The following PCDH15 variants were observed in gnomAD, a reference collection of about 807,000 sequenced individuals.
PCDH15 encodes protocadherin-15.
In PCDH15, 129 loss-of-function variants were observed where a neutral mutation model predicts 178.5. The observed-to-expected ratio is 0.72, with a 90% CI of 0.63 to 0.84. The LOEUF is 0.84. Ranked by LOEUF, PCDH15 falls within the 40% of genes least tolerant of loss-of-function variation. The probability of loss-of-function intolerance (pLI) is 0.00; values close to 1 mark genes in which losing one functional copy is unlikely to be tolerated. For missense variants in PCDH15, 2,230 were observed against 2,099.9 expected (o/e 1.06, Z -1.21); for synonymous variants, 800 against 732.0 (o/e 1.09, Z -1.50).
chr10:54,527,605 T>G (rs992507530), intron 3 of PCDH15, among the ~76,000 whole-genome samples: 2 of 152,116 alleles, frequency 1.3e-5, no homozygotes, highest in African/African-American at 4.8e-5. Flanking sequence ...AATATTTATA[T>G]TAATTGAATG....
rs547563718 is a variant in PCDH15, at chr10:55,025,940, T to C, written c.-79-128440A>G. Among the ~76,000 whole-genome samples, 16 of 152,156 alleles carry C rather than the reference T, an allele frequency of 1.1e-4. No individual in the cohort carries two copies. The South Asian group carries it at 3.1e-3, about 30-fold the overall frequency. ...TTTTACTTTATTTATTTATAAGTCA[T>C]TTCACAATACTTTGTTAGACTGGCA... On this transcript the variant is annotated intron_variant, in intron 2 of 5. Coordinates refer to the PCDH15 transcript ENST00000458638.
intron 1 of PCDH15, among the ~76,000 whole-genome samples, chr10:54,799,032 G>A (rs1952356582): frequency 6.6e-6 from 1 of 152,022 alleles, no homozygotes; most frequent in South Asian, 2.1e-4. Flanking sequence ...TTCATAATTT[G>A]TCTAAGGAGT....
rs548750154 is a variant in PCDH15 at position 53,900,202 on chromosome 10, C to A, written c.3501+3041G>T. ...ATAAACACATTCTTTCTCTCTCTCT[C>A]TAAACTTTCTCTCTCTCTCTCTCTC... On this transcript the variant is annotated intron_variant, in intron 26 of 37. Coordinates refer to ENST00000644397, the MANE Select transcript of PCDH15 (RefSeq NM_001384140.1). Among the ~76,000 whole-genome samples, 5 of 139,770 alleles carry A rather than the reference C, an allele frequency of 3.6e-5. No individual in the cohort carries two copies. In the East Asian group the frequency reaches 1.2e-3, roughly 33 times the overall value. The allele number at this position is 139,770 out of a possible 152,430, so 91.7% of individuals were successfully genotyped here.
intron 3 of PCDH15, among the ~76,000 whole-genome samples, chr10:54,474,540 T>C (rs1212834172): frequency 6.6e-6 from 1 of 151,910 alleles, no homozygotes; most frequent in Non-Finnish European, 1.5e-5. Flanking sequence ...TCCCTAAGGA[T>C]AGGGTTAAAC....
At chr10:54,238,132 A>ACTT (rs2054820073) in intron 8 of PCDH15, among the ~76,000 whole-genome samples, 1 of 152,080 alleles carries the variant, frequency 6.6e-6, no homozygotes, top group South Asian at 2.1e-4. Context: ...GGGCTGTGAA[A>ACTT]CTTAAACTAC....
chr10:54,772,129 A>T (rs1266369481), intron 1 of PCDH15, among the ~76,000 whole-genome samples: 1 of 152,148 alleles, frequency 6.6e-6, no homozygotes, highest in African/African-American at 2.4e-5. Flanking sequence ...AGAAATGGAA[A>T]TTTACAAATT....
chr10:54,284,518 C>T (rs368715846), intron 8 of PCDH15, among the ~76,000 whole-genome samples: 3 of 152,248 alleles, frequency 2.0e-5, no homozygotes, highest in Non-Finnish European at 2.9e-5. Flanking sequence ...CTGAGGAATT[C>T]GTTAGTCTAT....
intron 3 of PCDH15, among the ~76,000 whole-genome samples, chr10:54,416,436 C>G (rs987063353): frequency 3.1e-4 from 47 of 152,044 alleles, no homozygotes; most frequent in African/African-American, 1.1e-3. Flanking sequence ...TCATCCATGT[C>G]CCTGCAAAGG....
chr10:55,010,427 A>G (rs958307243), intron 2 of PCDH15, among the ~76,000 whole-genome samples: 1 of 152,132 alleles, frequency 6.6e-6, no homozygotes, highest in Non-Finnish European at 1.5e-5. Flanking sequence ...TTAACGAGAT[A>G]AATTCATTTA....
At chr10:54,292,585 C>G (rs1260505903) in intron 8 of PCDH15, among the ~76,000 whole-genome samples, 1 of 152,156 alleles carries the variant, frequency 6.6e-6, no homozygotes, top group African/African-American at 2.4e-5. Flanking sequence ...ATTGTCTCAG[C>G]CCAAAAATTC....
At chr10:53,809,410 G>A (rs761302309) in intron 37 of PCDH15, 3 of 1,613,930 alleles carry the variant, frequency 1.9e-6, no homozygotes, top group East Asian at 4.5e-5. Flanking sequence ...AAAAATCATG[G>A]GGAATATTCT....
chr10:54,146,950 G>A (rs199576789), intron 14 of PCDH15, among the ~76,000 whole-genome samples: 1 of 78,472 alleles, frequency 1.3e-5, no homozygotes, highest in Non-Finnish European at 2.4e-5. Flanking sequence ...TATATATAGT[G>A]TATATATATA....
chr10:54,516,491 A>G (rs1028575229), intron 3 of PCDH15, among the ~76,000 whole-genome samples: 24 of 151,626 alleles, frequency 1.6e-4, no homozygotes, highest in African/African-American at 4.4e-4. Flanking sequence ...GAAATGAAGC[A>G]AGAAGGGAAG....
chr10:54,319,987 T>C (rs2061497086), intron 7 of PCDH15, among the ~76,000 whole-genome samples: 1 of 152,060 alleles, frequency 6.6e-6, no homozygotes, highest in South Asian at 2.1e-4. Context: ...CTTTGATATT[T>C]TTATACAGTA....
At chr10:53,853,717 T>C (rs2132978889) in intron 28 of PCDH15, among the ~76,000 whole-genome samples, 1 of 152,080 alleles carries the variant, frequency 6.6e-6, no homozygotes, top group Middle Eastern at 3.4e-3. Context: ...GACAATGATA[T>C]ATCATCTCAC....
intron 1 of PCDH15, among the ~76,000 whole-genome samples, chr10:55,201,876 T>A (rs1258688871): frequency 1.3e-5 from 2 of 152,176 alleles, no homozygotes; most frequent in Non-Finnish European, 1.5e-5. Flanking sequence ...TGTGCTTTTT[T>A]AAAATTTTGC....
At chr10:54,491,414 G>A (rs1220305049) in intron 3 of PCDH15, among the ~76,000 whole-genome samples, 3 of 151,062 alleles carry the variant, frequency 2.0e-5, no homozygotes, top group Non-Finnish European at 4.4e-5. Flanking sequence ...TGTAAAGATA[G>A]CTTTTTCAAG....
chr10:54,526,956 A>G (rs974594181), intron 3 of PCDH15, among the ~76,000 whole-genome samples: 13 of 152,194 alleles, frequency 8.5e-5, no homozygotes, highest in African/African-American at 2.9e-4. Flanking sequence ...GGCAACTGAC[A>G]ATTATTTTGT....
chr10:54,324,346 T>TTA lies in PCDH15; in HGVS notation c.705+5248_705+5249dup, dbSNP rs1221147717. 4.6e-5 allele frequency among the ~76,000 whole-genome samples: 7 copies of TTA among 152,254 alleles called. No homozygotes were observed. The East Asian group carries it at 1.3e-3, about 29-fold the overall frequency. ...AATAGTAATATTATAATTTTAGGAATTATATCTTGTTAGGAAAGATAGCTA... is the reference window on the plus strand; with the variant it reads ...AATAGTAATATTATAATTTTAGGAATTATATATCTTGTTAGGAAAGATAGCTA... On this transcript the variant is annotated intron_variant, in intron 7 of 37. Transcript: ENST00000644397.
Sources: gnomAD v4.1 joint callset for allele counts (sites outside exome capture counted in the v4.1 genomes callset) on GRCh38, gnomAD v4.1.1 for gene constraint, MANE v1.5 for transcripts, NCBI Gene and HGNC (gene_info 2026-07-23, HGNC 2026-07-21) for gene names.